Variants in RSRC1 observed in about 807,000 individuals in gnomAD.
RSRC1 encodes arginine and serine rich coiled-coil 1.
Under a neutral mutation model 49.1 loss-of-function variants are expected in RSRC1, and 39 were observed. That is an observed-to-expected ratio of 0.79 (90% confidence interval 0.61 to 1.04). The LOEUF is 1.04. RSRC1 is among the 50% of genes least tolerant of loss of function. The pLI, the probability that RSRC1 is intolerant of heterozygous loss-of-function variation, is 0.00. For missense variants in RSRC1, 388 were observed against 402.4 expected, an observed-to-expected ratio of 0.96 and a Z score of 0.31; for synonymous variants, 143 against 130.8, an observed-to-expected ratio of 1.09 and a Z score of -0.63.
chr3:158,485,693 A>G (rs1434098497), intron 7 of RSRC1, among the ~76,000 whole-genome samples: 3 of 152,148 alleles, frequency 2.0e-5, no homozygotes, highest in Non-Finnish European at 2.9e-5. Context: ...TCAAAGTTAC[A>G]TTTAGAAAGA....
chr3:158,166,222 A>G (rs1468643430), intron 3 of RSRC1, among the ~76,000 whole-genome samples: 2 of 152,170 alleles, frequency 1.3e-5, no homozygotes, highest in Non-Finnish European at 2.9e-5. Flanking sequence ...CTTTTATCGA[A>G]ATAATTTAGA....
intron 3 of RSRC1, among the ~76,000 whole-genome samples, chr3:158,146,590 C>CT (rs1438805261): frequency 6.6e-6 from 1 of 152,032 alleles, no homozygotes; most frequent in Non-Finnish European, 1.5e-5. Flanking sequence ...CTAAAATTCT[C>CT]TTTTTTTGTT....
Position 158,276,084 on chromosome 3 carries a change from T to TA in RSRC1, c.495-21954dup, listed in dbSNP as rs1202166808. 9.1e-6 allele frequency: 8 copies of TA among 883,694 alleles called. No homozygotes were observed. In the African/African-American group the frequency reaches 1.2e-4, roughly 13 times the overall value. 54.7% of individuals were successfully genotyped at this position (883,694 alleles called of 1,614,324 possible). A position where few individuals can be genotyped will look rare whatever the true frequency, so the allele number is the denominator to read the frequency against. ...CAACCCAGTAAGAATTCAGGACTCT[T>TA]AGAGCCCCACAGTGGCGTCCAGCTC... On this transcript the variant is annotated intron_variant, in intron 4 of 9. Transcript: ENST00000611884.
intron 6 of RSRC1, among the ~76,000 whole-genome samples, chr3:158,427,213 T>C (rs1226477426): frequency 6.6e-6 from 1 of 151,688 alleles, no homozygotes; most frequent in African/African-American, 2.4e-5. Context: ...GAAAGGAGGC[T>C]AGACTGAAGT....
At chr3:158,318,589 G>A (rs1728593911) in intron 5 of RSRC1, among the ~76,000 whole-genome samples, 1 of 151,942 alleles carries the variant, frequency 6.6e-6, no homozygotes, top group African/African-American at 2.4e-5. Flanking sequence ...GTAGTTGGGG[G>A]GAAAAAGAAA....
intron 5 of RSRC1, among the ~76,000 whole-genome samples, chr3:158,310,757 G>A (rs1728080650): frequency 6.6e-6 from 1 of 151,720 alleles, no homozygotes; most frequent in African/African-American, 2.4e-5. Context: ...ATAAAGTAAT[G>A]TAGTTTAGAA....
chr3:158,330,505 G>T (rs73874373), intron 5 of RSRC1, among the ~76,000 whole-genome samples: 11,619 of 152,164 alleles, frequency 0.076, 531 homozygotes, highest in South Asian at 0.13. Context: ...CTGGATGGTA[G>T]GCAATTTTGG....
Position 158,114,299 on chromosome 3 carries a change from A to T in RSRC1, c.-3+4076A>T, listed in dbSNP as rs564472652. Among the ~76,000 whole-genome samples, 12 of 152,216 alleles carry T rather than the reference A, an allele frequency of 7.9e-5. No individual in the cohort carries two copies. The South Asian group carries it at 2.5e-3, about 32-fold the overall frequency. Reference sequence around the variant, plus strand: ...TTTTGTCAGGTTTGTCAAAGAACAGATGGTTGTAGATGTGCGGTCTTATTT... The same window carrying T: ...TTTTGTCAGGTTTGTCAAAGAACAGTTGGTTGTAGATGTGCGGTCTTATTT... On this transcript the variant is annotated intron_variant, in intron 1 of 9. Transcript: ENST00000611884.
At chr3:158,120,603 G>T (rs897738990) in intron 1 of RSRC1, among the ~76,000 whole-genome samples, 2 of 144,818 alleles carry the variant, frequency 1.4e-5, no homozygotes, top group East Asian at 2.0e-4. Context: ...GTATTATATA[G>T]TTAATATTTA....
intron 3 of RSRC1, among the ~76,000 whole-genome samples, chr3:158,128,638 C>T (rs964361413): frequency 6.6e-6 from 1 of 152,150 alleles, no homozygotes; most frequent in Non-Finnish European, 1.5e-5. Flanking sequence ...AGGACATTAA[C>T]ATTGATACAG....
At chr3:158,224,113 T>C (rs1264232419) in intron 4 of RSRC1, among the ~76,000 whole-genome samples, 4 of 151,704 alleles carry the variant, frequency 2.6e-5, no homozygotes, top group African/African-American at 9.7e-5. Flanking sequence ...TAAATAATGC[T>C]TGATGCATAA....
At chr3:158,435,227 T>A (rs4680434) in intron 6 of RSRC1, among the ~76,000 whole-genome samples, 75,615 of 151,478 alleles carry the variant, frequency 0.5, 19,137 homozygotes, top group South Asian at 0.6. Context: ...GCATTTTTTT[T>A]AATTAATACT....
intron 4 of RSRC1, among the ~76,000 whole-genome samples, chr3:158,245,287 G>A (rs192971168): frequency 1.7e-3 from 252 of 152,178 alleles, no homozygotes; most frequent in African/African-American, 5.0e-3. Flanking sequence ...GTACTCAAGA[G>A]TCATTTAGGA....
intron 3 of RSRC1, among the ~76,000 whole-genome samples, chr3:158,156,182 G>C (rs764621106): frequency 1.4e-4 from 22 of 152,302 alleles, no homozygotes; most frequent in Non-Finnish European, 2.5e-4. Flanking sequence ...GCTTCACCTT[G>C]TACTTTAATG....
intron 6 of RSRC1, among the ~76,000 whole-genome samples, chr3:158,423,546 A>C (rs946380509): frequency 2.1e-4 from 32 of 152,202 alleles, no homozygotes; most frequent in African/African-American, 6.7e-4. Context: ...CTCAGGATTG[A>C]CTTGGCGATG....
chr3:158,135,102 A>T (rs963253081), intron 3 of RSRC1, among the ~76,000 whole-genome samples: 2 of 152,148 alleles, frequency 1.3e-5, no homozygotes, highest in Non-Finnish European at 2.9e-5. Flanking sequence ...TTTTTGGCTT[A>T]TCATCTCAAT....
chr3:158,431,790 A>G (rs1735782340), intron 6 of RSRC1, among the ~76,000 whole-genome samples: 1 of 151,880 alleles, frequency 6.6e-6, no homozygotes, highest in Non-Finnish European at 1.5e-5. Context: ...TTAGGCATTA[A>G]TTTCCCCTTA....
chr3:158,426,420 G>C (rs1735445350), intron 6 of RSRC1, among the ~76,000 whole-genome samples: 1 of 151,452 alleles, frequency 6.6e-6, no homozygotes, highest in Non-Finnish European at 1.5e-5. Flanking sequence ...AGAAATTCTG[G>C]GGAGAGTAAC....
chr3:158,440,274 C>T (rs1451388353), intron 6 of RSRC1, among the ~76,000 whole-genome samples: 2 of 151,664 alleles, frequency 1.3e-5, no homozygotes, highest in Admixed American at 6.6e-5. Flanking sequence ...TGAAGGATCT[C>T]GTAGGTCATG....
Sources: gnomAD v4.1 joint callset for allele counts (sites outside exome capture counted in the v4.1 genomes callset) on GRCh38, gnomAD v4.1.1 for gene constraint, MANE v1.5 for transcripts, NCBI Gene and HGNC (gene_info 2026-07-23, HGNC 2026-07-21) for gene names.